CEP112: variants seen among roughly 807,000 people sequenced by gnomAD.
CEP112 encodes the protein centrosomal protein 112.
A neutral mutation model predicts 153.0 loss-of-function variants in CEP112; 127 were observed. That is an observed-to-expected ratio of 0.83 (90% CI 0.72 to 0.96). The LOEUF is 0.96. Ranked by LOEUF, CEP112 falls within the 40% of genes least tolerant of loss-of-function variation. CEP112 has a pLI of 0.00. For synonymous variants in CEP112, 358 were observed against 374.4 expected, an observed-to-expected ratio of 0.96 and a Z score of 0.51; for missense variants, 1,089 against 1,101.2, an observed-to-expected ratio of 0.99 and a Z score of 0.16.
intron 24 of CEP112, among the ~76,000 whole-genome samples, chr17:65,681,449 A>T (rs1209428454): frequency 6.6e-6 from 1 of 151,472 alleles, no homozygotes; most frequent in African/African-American, 2.4e-5. Context: ...CGACTCTGAC[A>T]TGCTTAAAGT....
chr17:66,044,078 A>G (rs2066099525), intron 12 of CEP112, among the ~76,000 whole-genome samples: 1 of 152,130 alleles, frequency 6.6e-6, no homozygotes, highest in South Asian at 2.1e-4. Context: ...TTTGAATGCT[A>G]ATTTTTAAAA....
chr17:65,885,517 C>T (rs2059245090), intron 20 of CEP112, among the ~76,000 whole-genome samples: 1 of 152,128 alleles, frequency 6.6e-6, no homozygotes, highest in South Asian at 2.1e-4. Flanking sequence ...GAATTAACTG[C>T]CTATGCTTCA....
At chr17:66,092,728 C>T (rs1271307135) in intron 8 of CEP112, among the ~76,000 whole-genome samples, 1 of 152,144 alleles carries the variant, frequency 6.6e-6, no homozygotes, top group East Asian at 1.9e-4. Flanking sequence ...ATATGCAAAT[C>T]TATACATGTT....
At chr17:66,048,359 A>C (rs1374921647) in intron 12 of CEP112, among the ~76,000 whole-genome samples, 4 of 152,230 alleles carry the variant, frequency 2.6e-5, no homozygotes, top group African/African-American at 7.2e-5. Flanking sequence ...TCAATATATA[A>C]GAGCAGGCAT....
In CEP112 at chr17:66,096,252, T is replaced by G; in HGVS notation, c.767A>C (p.Glu256Ala). The G allele has an allele frequency of 6.2e-7, 1 of 1,605,594 alleles. No homozygotes were observed. Among genetic ancestry groups the G allele is most frequent in the Non-Finnish European group, 8.5e-7 (1 of 1,173,506 alleles). ...DHFLSRIREKELDMKTKMMEA... is the reference protein window; with the variant it reads ...DHFLSRIREKALDMKTKMMEA... ...TTATCAGCAATATCTCATTCCTACCTCTTTCTCACGTATTCGAGAGAGAAA... is the reference window on the plus strand; with the variant it reads ...TTATCAGCAATATCTCATTCCTACCGCTTTCTCACGTATTCGAGAGAGAAA... Residue 256 changes from glutamate to alanine, a missense_variant and splice_region_variant, in exon 8 of 27, where the codon GAG (glutamate) becomes GCG (alanine). By Grantham distance (107) the Glu-to-Ala change is moderately radical. Transcript: ENST00000535342.
chr17:65,842,848 A>G (rs1010313599), intron 21 of CEP112, among the ~76,000 whole-genome samples: 1 of 152,124 alleles, frequency 6.6e-6, no homozygotes, highest in South Asian at 2.1e-4. Flanking sequence ...AAGTAACAAC[A>G]AAAGTCTTAG....
intron 24 of CEP112, among the ~76,000 whole-genome samples, chr17:65,669,663 G>T (rs552397457): frequency 1.3e-5 from 2 of 152,162 alleles, no homozygotes; most frequent in Admixed American, 6.5e-5. Flanking sequence ...CAGCACTTTG[G>T]GGGGCCAAGG....
At chr17:65,952,359 G>C (rs565977310) in intron 18 of CEP112, among the ~76,000 whole-genome samples, 1 of 152,026 alleles carries the variant, frequency 6.6e-6, no homozygotes, top group Admixed American at 6.6e-5. Flanking sequence ...AGGACTCAGA[G>C]AATAAAAAAC....
At chr17:65,817,254 C>T (rs1364495472) in intron 21 of CEP112, among the ~76,000 whole-genome samples, 1 of 151,882 alleles carries the variant, frequency 6.6e-6, no homozygotes, top group African/African-American at 2.4e-5. Flanking sequence ...AGATATTCAG[C>T]ATATTGACTA....
intron 4 of CEP112, among the ~76,000 whole-genome samples, chr17:66,140,075 C>A (rs995807335): frequency 6.6e-6 from 1 of 152,174 alleles, no homozygotes; most frequent in Non-Finnish European, 1.5e-5. Context: ...AAGAATCATA[C>A]ACCATAATCA....
At position 65,976,596 on chromosome 17, in the gene CEP112, G is replaced by C. The variant is rs1415113413; in HGVS notation, c.1737-14998C>G. 2.0e-5 allele frequency among the ~76,000 whole-genome samples: 3 copies of C among 152,112 alleles called. No homozygotes were observed. The East Asian group carries it at 5.8e-4, about 29-fold the overall frequency. On this transcript the variant is annotated intron_variant, in intron 17 of 26. Transcript: ENST00000535342. The stretch of plus-strand genomic sequence containing the variant: ...ATTCAGACTTTGTTAGTAAGAATTT[G>C]TGATAATTTTGACAGGGGTGAGATA...
chr17:65,744,373 C>A (rs1343813597), intron 22 of CEP112, among the ~76,000 whole-genome samples: 1 of 152,138 alleles, frequency 6.6e-6, no homozygotes, highest in Non-Finnish European at 1.5e-5. Context: ...CCTGCCTCAG[C>A]CTCCTGAGTA....
intron 17 of CEP112, among the ~76,000 whole-genome samples, chr17:65,981,571 A>ATT (rs34534960): frequency 1.3e-5 from 2 of 151,582 alleles, no homozygotes; most frequent in Admixed American, 6.6e-5. Context: ...GTGGTTTTTG[A>ATT]TTTTTTTGTT....
At chr17:65,661,621 G>A (rs1013412745) in intron 24 of CEP112, 8 of 152,144 alleles carry the variant, frequency 5.3e-5, no homozygotes, top group African/African-American at 1.7e-4. Context: ...TAAGTTCTAT[G>A]TTGAACCGGA....
intron 20 of CEP112, 97 bp from the exon 21 acceptor site, chr17:65,852,131 A>C: frequency 1.3e-6 from 1 of 746,950 alleles, no homozygotes; most frequent in Non-Finnish European, 2.2e-6. Flanking sequence ...AAATATGAAC[A>C]TATGGAATAG....
chr17:65,743,173 CTCT>C lies in CEP112; in HGVS notation c.2499_2501del (p.Glu834del), dbSNP rs758229174. ...CTGCAGCAAGCTGCTGCTGGCTGTTCTCTTCTTTCAGAGAGGAAATGGTTGTCT... is the reference window on the plus strand; with the variant it reads ...CTGCAGCAAGCTGCTGCTGGCTGTTCTCTTTCAGAGAGGAAATGGTTGTCT... On this transcript the variant is annotated inframe_deletion, in exon 23 of 27. Coordinates refer to ENST00000535342, the MANE Select transcript of CEP112 (RefSeq NM_001199165.4). 64 of 1,612,648 alleles carry C rather than the reference CTCT, an allele frequency of 4.0e-5. No individual in the cohort carries two copies. The Middle Eastern group carries it at 6.6e-4, about 17-fold the overall frequency.
chr17:66,098,331 T>A (rs1291358291), intron 6 of CEP112, among the ~76,000 whole-genome samples: 3 of 152,222 alleles, frequency 2.0e-5, no homozygotes, highest in Admixed American at 1.3e-4. Context: ...TTAAGGTTTT[T>A]CTTTTAACAT....
intron 20 of CEP112, among the ~76,000 whole-genome samples, chr17:65,882,332 T>C (rs916082626): frequency 6.6e-6 from 1 of 152,246 alleles, no homozygotes; most frequent in African/African-American, 2.4e-5. Context: ...CTTATTCATT[T>C]TGGCATCTTC....
At chr17:66,135,836 TATATATAGATATAGATATAGATATAG>T (rs2070408134) in intron 4 of CEP112, among the ~76,000 whole-genome samples, 1 of 146,030 alleles carries the variant, frequency 6.8e-6, no homozygotes, top group South Asian at 2.1e-4. Flanking sequence ...GGAATGATAC[TATATATAGATATAGATATAGATATAG>T]ATATATAGAT....
Sources: allele counts gnomAD v4.1 joint callset (sites outside exome capture counted in the v4.1 genomes callset), GRCh38; gene constraint gnomAD v4.1.1; transcripts MANE v1.5; gene names NCBI Gene and HGNC (gene_info 2026-07-23, HGNC 2026-07-21).